The following C8orf34 variants were observed in gnomAD, a reference collection of about 807,000 sequenced individuals.
C8orf34 encodes uncharacterized protein C8orf34.
C8orf34 carries 65 observed loss-of-function variants against 68.3 expected under a neutral mutation model. That is an observed-to-expected ratio of 0.95 (90% CI 0.78 to 1.17). The LOEUF (loss-of-function observed/expected upper bound fraction) is 1.17. Ranked by LOEUF, C8orf34 falls within the 50% of genes most tolerant of loss-of-function variation. The pLI is 0.00. For missense variants in C8orf34, 664 were observed against 655.4 expected (o/e 1.01, Z -0.14); for synonymous variants, 244 against 241.2 (o/e 1.01, Z -0.11).
chr8:68,503,676 TTTTC>T (rs909172339), intron 5 of C8orf34, among the ~76,000 whole-genome samples: 1 of 150,502 alleles, frequency 6.6e-6, no homozygotes, highest in Non-Finnish European at 1.5e-5. Context: ...AGTTATTCTC[TTTTC>T]TTTTTCTTTT....
At chr8:68,514,692 C>T (rs895840909) in intron 5 of C8orf34, among the ~76,000 whole-genome samples, 1 of 152,094 alleles carries the variant, frequency 6.6e-6, no homozygotes, top group Non-Finnish European at 1.5e-5. Flanking sequence ...ATTAAGATAG[C>T]GTATAATTTG....
At chr8:68,443,113 C>T (rs1459858127) in intron 2 of C8orf34, among the ~76,000 whole-genome samples, 8 of 152,044 alleles carry the variant, frequency 5.3e-5, no homozygotes, top group South Asian at 4.2e-4. Flanking sequence ...AGAGCATCCA[C>T]CATCCCAGGA....
At chr8:68,661,439 C>T (rs1314920557) in intron 8 of C8orf34, among the ~76,000 whole-genome samples, 1 of 152,180 alleles carries the variant, frequency 6.6e-6, no homozygotes, top group Non-Finnish European at 1.5e-5. Context: ...GGGTTCTTGT[C>T]TCACAACCAG....
intron 8 of C8orf34, among the ~76,000 whole-genome samples, chr8:68,653,799 G>C (rs1440818942): frequency 6.6e-6 from 1 of 151,910 alleles, no homozygotes; most frequent in Non-Finnish European, 1.5e-5. Flanking sequence ...ATGAATTCAG[G>C]GGAGACACAC....
At chr8:68,333,825 T>G (rs1805733718) in intron 1 of C8orf34, among the ~76,000 whole-genome samples, 1 of 152,246 alleles carries the variant, frequency 6.6e-6, no homozygotes, top group Non-Finnish European at 1.5e-5. Context: ...ATTGGCCGCT[T>G]CATGTCTTGT....
At chr8:68,590,991 C>T (rs1817372219) in intron 7 of C8orf34, among the ~76,000 whole-genome samples, 1 of 152,274 alleles carries the variant, frequency 6.6e-6, no homozygotes, top group Non-Finnish European at 1.5e-5. Flanking sequence ...ACTATCTCAC[C>T]ACCAAGGAGG....
chr8:68,803,829 G>A (rs1330836222), intron 12 of C8orf34, among the ~76,000 whole-genome samples: 1 of 151,846 alleles, frequency 6.6e-6, no homozygotes, highest in Non-Finnish European at 1.5e-5. Flanking sequence ...TTTTTTAACT[G>A]AATTATACTT....
chr8:68,711,664 A>T (rs1254832057), intron 9 of C8orf34, among the ~76,000 whole-genome samples: 1 of 152,172 alleles, frequency 6.6e-6, no homozygotes, highest in African/African-American at 2.4e-5. Flanking sequence ...CAATGAACAA[A>T]GTCTCCAAGA....
At chr8:68,561,488 A>G (rs6983285) in intron 7 of C8orf34, among the ~76,000 whole-genome samples, 32,247 of 152,156 alleles carry the variant, frequency 0.21, 4,451 homozygotes, top group African/African-American at 0.4. Context: ...CGGGCGCAGC[A>G]GCTCACGCTT....
intron 12 of C8orf34, among the ~76,000 whole-genome samples, chr8:68,799,618 C>G (rs1425138456): frequency 6.6e-6 from 1 of 152,122 alleles, no homozygotes; most frequent in East Asian, 1.9e-4. Flanking sequence ...CCAGATTACC[C>G]CCTTAAAGCA....
At chr8:68,400,420 T>C (rs1322064186) in intron 1 of C8orf34, among the ~76,000 whole-genome samples, 2 of 147,460 alleles carry the variant, frequency 1.4e-5, no homozygotes, top group Non-Finnish European at 3.1e-5. Context: ...TATTGCAAAG[T>C]TCCCCAGCAC....
chr8:68,357,138 A>G (rs1331053901), intron 1 of C8orf34, among the ~76,000 whole-genome samples: 1 of 152,136 alleles, frequency 6.6e-6, no homozygotes, highest in African/African-American at 2.4e-5. Flanking sequence ...TGTATAAAAA[A>G]TATAATCGTC....
intron 12 of C8orf34, among the ~76,000 whole-genome samples, chr8:68,812,956 C>A (rs929343881): frequency 4.6e-5 from 7 of 152,148 alleles, no homozygotes; most frequent in African/African-American, 1.7e-4. Context: ...TGCTGTTCTT[C>A]TGTAGTAATC....
At chr8:68,632,477 T>C (rs1203665757) in intron 7 of C8orf34, among the ~76,000 whole-genome samples, 1 of 151,944 alleles carries the variant, frequency 6.6e-6, no homozygotes, top group Non-Finnish European at 1.5e-5. Flanking sequence ...GACCATGCAG[T>C]AAAAAAGAAA....
At chr8:68,753,503 T>C (rs943842579) in intron 10 of C8orf34, among the ~76,000 whole-genome samples, 2 of 152,188 alleles carry the variant, frequency 1.3e-5, no homozygotes, top group Non-Finnish European at 1.5e-5. Context: ...GAGCTTTCCA[T>C]AGATTGGAAG....
intron 12 of C8orf34, among the ~76,000 whole-genome samples, chr8:68,800,380 A>G (rs915997695): frequency 2.0e-5 from 3 of 152,162 alleles, no homozygotes; most frequent in African/African-American, 7.2e-5. Flanking sequence ...TTTTTTAAGA[A>G]AGCTATCTAT....
At chr8:68,486,739 T>C (rs1813095154) in intron 4 of C8orf34, among the ~76,000 whole-genome samples, 1 of 152,180 alleles carries the variant, frequency 6.6e-6, no homozygotes, top group African/African-American at 2.4e-5. Flanking sequence ...ACTCACTCTT[T>C]CTACTGAGGT....
chr8:68,619,521 T>G (rs1289594901), intron 7 of C8orf34, among the ~76,000 whole-genome samples: 1 of 152,146 alleles, frequency 6.6e-6, no homozygotes, highest in East Asian at 1.9e-4. Context: ...TTTTCTAAAT[T>G]TTGAATCATG....
At chr8:68,555,778 G>T (rs1156651520) in intron 7 of C8orf34, among the ~76,000 whole-genome samples, 1 of 152,042 alleles carries the variant, frequency 6.6e-6, no homozygotes, top group Admixed American at 6.6e-5. Context: ...ATTCATGTAG[G>T]TATATGTAGG....
Sources: allele counts gnomAD v4.1 joint callset (sites outside exome capture counted in the v4.1 genomes callset), GRCh38; gene constraint gnomAD v4.1.1; transcripts MANE v1.5; gene names NCBI Gene and HGNC (gene_info 2026-07-23, HGNC 2026-07-21).